SMAD5: variants seen among roughly 807,000 people sequenced by gnomAD.
SMAD5 encodes the protein SMAD family member 5.
Under a neutral mutation model 43.1 loss-of-function variants are expected in SMAD5, and 9 were observed. The observed-to-expected ratio is 0.21, with a 90% CI of 0.13 to 0.36. SMAD5 has a LOEUF of 0.36. Among genes scored for constraint, SMAD5 ranks in the 10% least tolerant of loss-of-function variants. The pLI is 1.00. For synonymous variants in SMAD5, 190 were observed against 192.4 expected (o/e 0.99, Z 0.10); for missense variants, 348 against 574.0 (o/e 0.61, Z 4.02).
Position 136,154,129 on chromosome 5 carries a change from C to T in SMAD5, c.369C>T (p.Ile123=). 6.3e-7 allele frequency: 1 copy of T among 1,584,190 alleles called. No individual in the cohort carries two copies. Among genetic ancestry groups the T allele is most frequent in the Non-Finnish European group, 8.6e-7 (1 of 1,164,932 alleles). The part of the protein sequence containing the change: ...PFGSKQKEVC[I]NPYHYKRVES... ...GATCTAAGCAAAAAGAAGTTTGTAT[C>T]AACCCATACCACTATAAGAGAGTGG... Residue 123 remains isoleucine, a synonymous_variant, in exon 3 of 8, where the codon ATC becomes ATT. Coordinates refer to ENST00000545279, the MANE Select transcript of SMAD5 (RefSeq NM_005903.7).
rs1213385451 is a variant in SMAD5, at chr5:136,178,405, T to G, written c.*925T>G. 2 of 152,688 alleles carry G rather than the reference T, an allele frequency of 1.3e-5. No individual in the cohort carries two copies. Among genetic ancestry groups the G allele is most frequent in the Admixed American group, 1.3e-4 (2 of 15,284 alleles). 9.5% of individuals were successfully genotyped at this position (152,688 alleles called of 1,614,324 possible). On this transcript the variant is annotated 3_prime_UTR_variant, in exon 8 of 8. Coordinates refer to ENST00000545279, the MANE Select transcript of SMAD5 (RefSeq NM_005903.7). ...GTGACTTGGACTTAGATGCTTATCC[T>G]TACGTCCTTGGTACCTTTTTTGTAT... is the stretch of plus-strand genomic sequence containing the variant.
chr5:136,161,656 C>T (rs1753829416), intron 4 of SMAD5, among the ~76,000 whole-genome samples: 1 of 152,132 alleles, frequency 6.6e-6, no homozygotes, highest in Non-Finnish European at 1.5e-5. Context: ...AACTGATGAA[C>T]TGATTTCACT....
intron 1 of SMAD5, among the ~76,000 whole-genome samples, chr5:136,136,968 A>T (rs1275123527): frequency 6.7e-6 from 1 of 150,030 alleles, no homozygotes; most frequent in Non-Finnish European, 1.5e-5. Flanking sequence ...AAGTGCTGGG[A>T]TTACAGGTGT....
Position 136,180,215 on chromosome 5 carries a change from A to T in SMAD5, c.*2735A>T, listed in dbSNP as rs2149784850. ...GATAAAATTTGCTAGTAAGATTTTT[A>T]AAAACTGGCTAGTGAAAGGAAAGTA... On this transcript the variant is annotated 3_prime_UTR_variant, in exon 8 of 8. Transcript: ENST00000545279. The T allele has an allele frequency of 6.6e-6, 1 of 152,308 alleles. No individual in the cohort carries two copies. Among genetic ancestry groups the T allele is most frequent in the African/African-American group, 2.4e-5 (1 of 41,584 alleles). 9.4% of individuals were successfully genotyped at this position (152,308 alleles called of 1,614,324 possible). A position where few individuals can be genotyped will look rare whatever the true frequency, so the allele number is the denominator to read the frequency against.
At chr5:136,140,389 C>T (rs1382760214) in intron 1 of SMAD5, among the ~76,000 whole-genome samples, 1 of 152,128 alleles carries the variant, frequency 6.6e-6, no homozygotes, top group Admixed American at 6.5e-5. Context: ...CCTTTATATC[C>T]AGCATGGCCA....
At chr5:136,136,707 CTATT>C (rs1331237259) in intron 1 of SMAD5, among the ~76,000 whole-genome samples, 3 of 151,996 alleles carry the variant, frequency 2.0e-5, no homozygotes, top group African/African-American at 7.2e-5. Flanking sequence ...TAGTTCTGGG[CTATT>C]TATTTGAGAG....
At chr5:136,134,218 A>T (rs902236431) in intron 1 of SMAD5, 2 of 152,580 alleles carry the variant, frequency 1.3e-5, no homozygotes. Flanking sequence ...TCTAGCAGCA[A>T]AGATTGAATA....
intron 3 of SMAD5, among the ~76,000 whole-genome samples, chr5:136,157,311 G>A (rs1220318212): frequency 6.6e-6 from 1 of 152,122 alleles, no homozygotes; most frequent in African/African-American, 2.4e-5. Flanking sequence ...AACCTAGGTG[G>A]TCCTAGGTGT....
intron 5 of SMAD5, among the ~76,000 whole-genome samples, chr5:136,170,544 A>T (rs567697470): frequency 1.3e-5 from 2 of 152,212 alleles, no homozygotes; most frequent in African/African-American, 4.8e-5. Context: ...TTCTCCTTTG[A>T]TATTGTGTTG....
chr5:136,180,402 C>T lies in SMAD5; in HGVS notation c.*2922C>T, dbSNP rs993906548. ...GAATCTGGGAATAATAAAATTGCAACCAGTTTGGTAATGCAAACAGCAGAA... is the reference window on the plus strand; with the variant it reads ...GAATCTGGGAATAATAAAATTGCAATCAGTTTGGTAATGCAAACAGCAGAA... On this transcript the variant is annotated 3_prime_UTR_variant, in exon 8 of 8. Transcript: ENST00000545279. The T allele has an allele frequency of 6.6e-6, 1 of 152,048 alleles. No individual in the cohort carries two copies. Among genetic ancestry groups the T allele is most frequent in the African/African-American group, 2.4e-5 (1 of 41,404 alleles). 9.4% of individuals were successfully genotyped at this position (152,048 alleles called of 1,614,324 possible).
intron 5 of SMAD5, 88 bp downstream of exon 5, chr5:136,163,479 A>G (rs543779638): frequency 9.3e-7 from 1 of 1,073,694 alleles, no homozygotes; most frequent in South Asian, 2.3e-5. Flanking sequence ...TTATTGAGGT[A>G]TAATTTATAT....
chr5:136,141,944 A>G (rs577402991), intron 1 of SMAD5, among the ~76,000 whole-genome samples: 2,010 of 152,284 alleles, frequency 0.013, 42 homozygotes, highest in African/African-American at 0.046. Context: ...CTGCACTTTA[A>G]TTTTGAAACC....
At chr5:136,155,227 A>G (rs1464924579) in intron 3 of SMAD5, among the ~76,000 whole-genome samples, 2 of 152,180 alleles carry the variant, frequency 1.3e-5, no homozygotes, top group Non-Finnish European at 2.9e-5. Flanking sequence ...CCCCTATTGA[A>G]GTGAATGGCA....
intron 1 of SMAD5, among the ~76,000 whole-genome samples, chr5:136,144,618 T>A (rs1233007915): frequency 6.6e-6 from 1 of 150,544 alleles, no homozygotes; most frequent in Non-Finnish European, 1.5e-5. Flanking sequence ...TATCTTATTA[T>A]ATTGGTATAT....
At chr5:136,137,299 A>G (rs976385125) in intron 1 of SMAD5, among the ~76,000 whole-genome samples, 3 of 136,850 alleles carry the variant, frequency 2.2e-5, no homozygotes, top group Non-Finnish European at 4.6e-5. Flanking sequence ...CCTATAGCAT[A>G]TATGTACTTT....
intron 3 of SMAD5, among the ~76,000 whole-genome samples, chr5:136,159,266 T>G (rs1225758995): frequency 6.6e-6 from 1 of 152,112 alleles, no homozygotes; most frequent in East Asian, 1.9e-4. Context: ...AGTCTACAAA[T>G]AATATCTTGA....
In SMAD5 at chr5:136,138,980, G is replaced by A. The variant is rs148388064; in HGVS notation, c.-245+6018G>A. Among the ~76,000 whole-genome samples the A allele has an allele frequency of 4.2e-3, 640 of 152,308 alleles. 10 individuals carry two copies. Among genetic ancestry groups the A allele is most frequent in the African/African-American group, 0.014 (594 of 41,542 alleles). ...TTTTCATGGGATGATGTGCTCAGGA[G>A]ATTTTGTTTTGGCCAATAGTGTTGA... is the stretch of plus-strand genomic sequence containing the variant. On this transcript the variant is annotated intron_variant, in intron 1 of 7. Coordinates refer to ENST00000545279, the MANE Select transcript of SMAD5 (RefSeq NM_005903.7).
At chr5:136,139,086 AGTT>A (rs760650003) in intron 1 of SMAD5, among the ~76,000 whole-genome samples, 1 of 151,336 alleles carries the variant, frequency 6.6e-6, no homozygotes, top group Non-Finnish European at 1.5e-5. Flanking sequence ...AAAGTGAAAG[AGTT>A]GTTTCTGTGA....
intron 5 of SMAD5, among the ~76,000 whole-genome samples, chr5:136,170,978 T>C (rs902037824): frequency 2.6e-5 from 4 of 152,216 alleles, no homozygotes; most frequent in Non-Finnish European, 2.9e-5. Context: ...AGTTCTTTCT[T>C]ATTTTTACAT....
Sources: gnomAD v4.1 joint callset for allele counts (sites outside exome capture counted in the v4.1 genomes callset) on GRCh38, gnomAD v4.1.1 for gene constraint, MANE v1.5 for transcripts, NCBI Gene and HGNC (gene_info 2026-07-23, HGNC 2026-07-21) for gene names.